Variants in ABCC4 observed in about 807,000 individuals in gnomAD.
The protein encoded by ABCC4 is ATP binding cassette subfamily C member 4 (PEL blood group).
ABCC4 carries 102 observed loss-of-function variants against 168.5 expected under a neutral mutation model. The ratio of observed to expected loss-of-function variants is 0.61; its 90% CI spans 0.52 to 0.71. ABCC4 has a LOEUF of 0.71. Ranked by LOEUF, ABCC4 falls within the 30% of genes least tolerant of loss-of-function variation. The pLI is 0.00. For synonymous variants in ABCC4, 617 were observed against 590.7 expected (o/e 1.04, Z -0.65); for missense variants, 1,402 against 1,605.8 (o/e 0.87, Z 2.17).
chr13:95,189,232 CACGCCA>C (rs1273719627), intron 9 of ABCC4, among the ~76,000 whole-genome samples: 2 of 141,954 alleles, frequency 1.4e-5, no homozygotes, highest in Non-Finnish European at 3.0e-5. Flanking sequence ...CTTCCGGGTT[CACGCCA>C]TTCTCCTGCC....
At chr13:95,295,962 C>CAA (rs59341854) in intron 1 of ABCC4, among the ~76,000 whole-genome samples, 4 of 114,096 alleles carry the variant, frequency 3.5e-5, no homozygotes, top group Non-Finnish European at 5.7e-5. Flanking sequence ...GAGACTCCGT[C>CAA]AAAAAAAAAA....
intron 3 of ABCC4, among the ~76,000 whole-genome samples, chr13:95,239,224 C>T (rs1042897357): frequency 8.0e-5 from 12 of 150,800 alleles, no homozygotes; most frequent in Admixed American, 6.6e-5. Context: ...AGTGTTGATA[C>T]TGTAAGATAA....
chr13:95,276,620 A>G (rs548381803), intron 1 of ABCC4, among the ~76,000 whole-genome samples: 1 of 152,286 alleles, frequency 6.6e-6, no homozygotes, highest in South Asian at 2.1e-4. Flanking sequence ...TTTCCCTCAA[A>G]GACACCAGAG....
chr13:95,224,513 G>C (rs1468731051), intron 4 of ABCC4, among the ~76,000 whole-genome samples: 1 of 152,200 alleles, frequency 6.6e-6, no homozygotes, highest in African/African-American at 2.4e-5. Context: ...AAGGCAGGCA[G>C]ATCACTTGAG....
intron 8 of ABCC4, among the ~76,000 whole-genome samples, chr13:95,205,327 C>A (rs2038749909): frequency 6.6e-6 from 1 of 152,088 alleles, no homozygotes; most frequent in African/African-American, 2.4e-5. Context: ...ACAACACCCA[C>A]CCCATTCTCT....
At chr13:95,138,528 AAAAC>A (rs1332808710) in intron 19 of ABCC4, among the ~76,000 whole-genome samples, 1 of 152,338 alleles carries the variant, frequency 6.6e-6, no homozygotes, top group Non-Finnish European at 1.5e-5. Context: ...GTTCATGTTT[AAAAC>A]AAACAAACAG....
chr13:95,218,925 A>AGAGAGAG lies in ABCC4; in HGVS notation c.532-8145_532-8144insCTCTCTC, dbSNP rs1566539415. 9.4e-3 allele frequency among the ~76,000 whole-genome samples: 894 copies of AGAGAGAG among 94,742 alleles called. 22 individuals are homozygous for AGAGAGAG. Among genetic ancestry groups the AGAGAGAG allele is most frequent in the Non-Finnish European group, 0.013 (622 of 49,438 alleles). 62.2% of individuals were successfully genotyped at this position (94,742 alleles called of 152,430 possible). On this transcript the variant is annotated intron_variant, in intron 4 of 30. Transcript: ENST00000645237. Reference sequence around the variant, plus strand: ...AGAGAAAGAGAGAGAGAGAGAAAGAAAGAGAAAGAAAGAAAGAAAGAAAGA... The same window carrying AGAGAGAG: ...AGAGAAAGAGAGAGAGAGAGAAAGAAGAGAGAGAGAGAAAGAAAGAAAGAAAGAAAGA...
At chr13:95,071,568 A>C (rs1478042686) in intron 25 of ABCC4, 94 bp downstream of exon 25, 7 of 1,117,010 alleles carry the variant, frequency 6.3e-6, no homozygotes, top group Non-Finnish European at 2.4e-6. Flanking sequence ...CCTACGTATC[A>C]CTGATCCCCT....
intron 19 of ABCC4, among the ~76,000 whole-genome samples, chr13:95,149,607 A>G (rs2036609242): frequency 6.6e-6 from 1 of 152,242 alleles, no homozygotes; most frequent in Non-Finnish European, 1.5e-5. Context: ...CTCTACTTTT[A>G]AATATGTAAA....
Position 95,102,515 on chromosome 13 carries a change from C to G in ABCC4, c.2535+13407G>C, listed in dbSNP as rs115803571. Among the ~76,000 whole-genome samples, 737 of 152,192 alleles carry G rather than the reference C, an allele frequency of 4.8e-3. 8 individuals are homozygous for G. The highest frequency in any genetic ancestry group is 0.017 in the African/African-American group (697 of 41,528). On this transcript the variant is annotated intron_variant, in intron 20 of 30. Coordinates refer to ENST00000645237, the MANE Select transcript of ABCC4 (RefSeq NM_005845.5). ...CCCAGGCTGGTTTTGAACTCCTGAC[C>G]TTGAGCAATCCTCTCACTTCGGCCT...
chr13:95,206,104 G>C (rs1391752232), intron 8 of ABCC4, among the ~76,000 whole-genome samples: 1 of 152,140 alleles, frequency 6.6e-6, no homozygotes, highest in East Asian at 1.9e-4. Flanking sequence ...TGAAGTTGAG[G>C]CCATTCTTCC....
At chr13:95,112,958 A>C (rs1377066797) in intron 20 of ABCC4, among the ~76,000 whole-genome samples, 1 of 152,166 alleles carries the variant, frequency 6.6e-6, no homozygotes, top group Non-Finnish European at 1.5e-5. Context: ...ATTTCCTACT[A>C]TCTGAATTTT....
At chr13:95,107,692 T>G (rs2035055968) in intron 20 of ABCC4, among the ~76,000 whole-genome samples, 1 of 152,094 alleles carries the variant, frequency 6.6e-6, no homozygotes, top group Non-Finnish European at 1.5e-5. Context: ...TTTGGGAGGC[T>G]GAGGTGAGTG....
chr13:95,132,367 T>C (rs2035997399), intron 19 of ABCC4, among the ~76,000 whole-genome samples: 1 of 152,006 alleles, frequency 6.6e-6, no homozygotes. Context: ...AGGCATGCAC[T>C]GCCAAGCCCG....
intron 8 of ABCC4, among the ~76,000 whole-genome samples, chr13:95,205,712 T>C (rs1408245592): frequency 6.6e-6 from 1 of 152,194 alleles, no homozygotes; most frequent in Non-Finnish European, 1.5e-5. Flanking sequence ...CACCCCAGCA[T>C]CAGTGTTAAG....
intron 20 of ABCC4, among the ~76,000 whole-genome samples, chr13:95,111,674 C>A (rs1425003554): frequency 1.3e-5 from 2 of 152,162 alleles, no homozygotes. Context: ...GTGCCAACAT[C>A]TAACTATATA....
At chr13:95,290,416 G>A (rs1469742358) in intron 1 of ABCC4, among the ~76,000 whole-genome samples, 1 of 152,014 alleles carries the variant, frequency 6.6e-6, no homozygotes, top group Admixed American at 6.6e-5. Flanking sequence ...GTGTTAAGAG[G>A]AATCATGGCC....
intron 15 of ABCC4, among the ~76,000 whole-genome samples, chr13:95,165,828 C>T (rs941832893): frequency 1.3e-5 from 2 of 152,128 alleles, no homozygotes; most frequent in South Asian, 2.1e-4. Flanking sequence ...AAAGAGAAGT[C>T]GGGGGCCACC....
intron 8 of ABCC4, among the ~76,000 whole-genome samples, chr13:95,198,276 C>T (rs2038519048): frequency 6.6e-6 from 1 of 152,052 alleles, no homozygotes; most frequent in Non-Finnish European, 1.5e-5. Flanking sequence ...AAAAAAACAA[C>T]CCCATCAAAA....
Sources: allele counts gnomAD v4.1 joint callset (sites outside exome capture counted in the v4.1 genomes callset), GRCh38; gene constraint gnomAD v4.1.1; transcripts MANE v1.5; gene names NCBI Gene and HGNC (gene_info 2026-07-23, HGNC 2026-07-21).